Variants in ATG2B observed in about 807,000 individuals in gnomAD.
The protein encoded by ATG2B is autophagy related 2B, also known as autophagy-related protein 2 homolog B.
In ATG2B, 121 loss-of-function variants were observed where a neutral mutation model predicts 241.3. The ratio of observed to expected loss-of-function variants is 0.50; its 90% confidence interval spans 0.43 to 0.58. The LOEUF is 0.58. Among genes scored for constraint, ATG2B ranks in the 20% least tolerant of loss-of-function variants. The pLI is 0.00. For missense variants in ATG2B, 2,306 were observed against 2,491.6 expected, an observed-to-expected ratio of 0.93 and a Z score of 1.59; for synonymous variants, 858 against 876.6, an observed-to-expected ratio of 0.98 and a Z score of 0.37.
chr14:96,308,145 C>T (rs904974451), intron 29 of ATG2B, among the ~76,000 whole-genome samples: 7 of 141,458 alleles, frequency 4.9e-5, no homozygotes, highest in South Asian at 2.5e-4. Context: ...TGCATATATA[C>T]ATATACACAC....
At position 96,284,400 on chromosome 14, in the gene ATG2B, A is replaced by G. The variant is rs1273500831; in HGVS notation, c.*1355T>C. 1 of 152,234 alleles carries G rather than the reference A, an allele frequency of 6.6e-6. No individual in the cohort carries two copies. The highest frequency in any genetic ancestry group is 1.5e-5 in the Non-Finnish European group (1 of 68,044). The allele number at this position is 152,234 out of a possible 1,614,324, so 9.4% of individuals were successfully genotyped here. On this transcript the variant is annotated 3_prime_UTR_variant, in exon 42 of 42. Transcript: ENST00000359933. ...TTTACATTGCTTTCCTGCTTAGAAA[A>G]TTTAGAGAACGAAATTGATTTAACT...
chr14:96,286,486 T>C (rs972282244), intron 41 of ATG2B, among the ~76,000 whole-genome samples: 1 of 152,220 alleles, frequency 6.6e-6, no homozygotes, highest in African/African-American at 2.4e-5. Context: ...GAACATTTTA[T>C]TGGATTAGAG....
At chr14:96,362,265 A>T (rs1240814485) in intron 1 of ATG2B, among the ~76,000 whole-genome samples, 1 of 152,208 alleles carries the variant, frequency 6.6e-6, no homozygotes, top group Admixed American at 6.5e-5. Context: ...TCTTGTAAAC[A>T]TATAATCAAG....
Position 96,294,947 on chromosome 14 carries a change from C to T in ATG2B, c.5426+13G>A, listed in dbSNP as rs1886588633. The T allele has an allele frequency of 6.2e-7, 1 of 1,610,290 alleles. No homozygotes were observed. The highest frequency in any genetic ancestry group is 1.3e-5 in the African/African-American group (1 of 74,866). On this transcript the variant is annotated intron_variant, in intron 36 of 41. Coordinates refer to ENST00000359933, the MANE Select transcript of ATG2B (RefSeq NM_018036.7). ...AAAATAACTTCATTTGTTATTAAAA[C>T]TAAATTAGTTACCTAAAAAACACAG...
rs773913878 is a variant in ATG2B, at chr14:96,362,834, T to C, written c.143A>G (p.Gln48Arg). Residue 48 changes from glutamine (Q) to arginine (R), a missense_variant, in exon 1 of 42, where the codon CAG (glutamine) becomes CGG (arginine). Physicochemically the swap from Gln to Arg is conservative, Grantham distance 43 (BLOSUM62 1). This residue lies in a region of ATG2B where 1,927 missense variants were observed against 2,011.2 expected (regional missense o/e 0.96). Transcript: ENST00000359933. ...DLYQGTGSLA[Q>R]VPLDKWCLNE... is the part of the protein sequence containing the mutation. ...TCTTACCCATTTGTCCAAGGGGACC[T>C]GGGCGAGGGACCCGGTGCCTTGGTA... 1.2e-5 allele frequency: 20 copies of C among 1,609,556 alleles called. No homozygotes were observed. Among genetic ancestry groups the C allele is most frequent in the East Asian group, 2.2e-5 (1 of 44,706 alleles).
chr14:96,339,545 A>T (rs1180246341), intron 6 of ATG2B, among the ~76,000 whole-genome samples: 1 of 152,000 alleles, frequency 6.6e-6, no homozygotes, highest in Non-Finnish European at 1.5e-5. Flanking sequence ...CTCAGCCATA[A>T]AAAGGAACAA....
At chr14:96,339,594 C>T (rs1245006045) in intron 6 of ATG2B, among the ~76,000 whole-genome samples, 1 of 151,726 alleles carries the variant, frequency 6.6e-6, no homozygotes, top group Non-Finnish European at 1.5e-5. Context: ...GAACTGGAGG[C>T]CATTATTCTA....
intron 6 of ATG2B, among the ~76,000 whole-genome samples, chr14:96,335,424 T>A (rs188352116): frequency 6.6e-6 from 1 of 152,248 alleles, no homozygotes; most frequent in African/African-American, 2.4e-5. Flanking sequence ...ACCTAAGAAA[T>A]CCAGTAAAAT....
chr14:96,322,262 A>G lies in ATG2B; in HGVS notation c.2737-8T>C, dbSNP rs755341418. 1.6e-5 allele frequency: 26 copies of G among 1,582,938 alleles called. No homozygotes were observed. In the Admixed American group the frequency reaches 4.6e-4, roughly 28 times the overall value. ...GTCTCCTGGCATCACCATCTAAAAC[A>G]TAATAGTTCAGTGCAAAAAAAAAGG... On this transcript the variant is annotated splice_region_variant and splice_polypyrimidine_tract_variant and intron_variant, in intron 17 of 41. Coordinates refer to ENST00000359933, the MANE Select transcript of ATG2B (RefSeq NM_018036.7).
At chr14:96,312,022 C>T (rs1887173444) in intron 26 of ATG2B, 67 bp downstream of exon 26, 1 of 1,216,316 alleles carries the variant, frequency 8.2e-7, no homozygotes, top group African/African-American at 1.5e-5. Context: ...AGTTAAAATG[C>T]TTTAAAATTA....
chr14:96,361,946 AG>A (rs1888644574), intron 1 of ATG2B, among the ~76,000 whole-genome samples: 1 of 152,218 alleles, frequency 6.6e-6, no homozygotes, highest in African/African-American at 2.4e-5. Context: ...GGCAAAGGGT[AG>A]AAGTCACTCT....
In ATG2B at chr14:96,362,999, G is replaced by T; in HGVS notation, c.-23C>A. The T allele has an allele frequency of 6.2e-7, 1 of 1,612,098 alleles. No homozygotes were observed. Among genetic ancestry groups the T allele is most frequent in the South Asian group, 1.1e-5 (1 of 90,898 alleles). On this transcript the variant is annotated 5_prime_UTR_variant, in exon 1 of 42. Transcript: ENST00000359933. Reference sequence around the variant, plus strand: ...CATAGTGACTGCTGGCAGCTGGGCTGACTGCGGCTGCGGGTTGCGACGGCT... The same window carrying T: ...CATAGTGACTGCTGGCAGCTGGGCTTACTGCGGCTGCGGGTTGCGACGGCT...
rs1006012845 is a variant in ATG2B at position 96,333,702 on chromosome 14, G to A, written c.1193C>T (p.Thr398Ile). ...QSFYETETAR[T>I]PSSREEEVFF... ...GAGTTGCTTACCACGGCTAGAAGGT[G>A]TACGAGCTGTTTCTGTCTCATAAAA... Residue 398 changes from threonine to isoleucine, a missense_variant, in exon 8 of 42, where the codon ACA becomes ATA. Coordinates refer to ENST00000359933, the MANE Select transcript of ATG2B (RefSeq NM_018036.7). 1 of 1,613,696 alleles carries A rather than the reference G, an allele frequency of 6.2e-7. No individual in the cohort carries two copies. The highest frequency in any genetic ancestry group is 8.5e-7 in the Non-Finnish European group (1 of 1,179,756).
intron 8 of ATG2B, 106 bp downstream of exon 8, chr14:96,333,582 T>C: frequency 9.6e-7 from 1 of 1,042,222 alleles, no homozygotes; most frequent in Non-Finnish European, 1.4e-6. Context: ...TGTGGATCTT[T>C]TTGTTCTTTC....
In ATG2B at chr14:96,308,939, C is replaced by T. The variant is rs1053586571; in HGVS notation, c.4303+514G>A. Among the ~76,000 whole-genome samples the T allele has an allele frequency of 1.7e-4, 26 of 152,064 alleles. No individual in the cohort carries two copies. The East Asian group carries it at 1.7e-3, about 10-fold the overall frequency. On this transcript the variant is annotated intron_variant, in intron 29 of 41. Transcript: ENST00000359933. ...GAGAACTTTTGTTTCAGTAAGAACC[C>T]GAATGTCATGGCTAAATAACTGAGG...
intron 5 of ATG2B, among the ~76,000 whole-genome samples, chr14:96,342,541 G>A (rs553058877): frequency 1.1e-4 from 16 of 152,014 alleles, no homozygotes; most frequent in African/African-American, 3.4e-4. Context: ...GGCCAACGTT[G>A]CGAAACCCCG....
Position 96,322,171 on chromosome 14 carries a change from C to T in ATG2B, c.2820G>A (p.Thr940=), listed in dbSNP as rs773935224. Residue 940 remains threonine (T), a synonymous_variant, in exon 18 of 42, where the codon ACG becomes ACA. Coordinates refer to ENST00000359933, the MANE Select transcript of ATG2B (RefSeq NM_018036.7). The stretch of plus-strand genomic sequence containing the variant: ...GTAGTGTTACATAAATATTTGGTAA[C>T]GTAAGTTCCAGCACATAGTGAGAAT... ...ISNSHYVLEL[T]LPNIYVTLPN... is the part of the protein sequence containing the mutation. 31 of 1,575,172 alleles carry T rather than the reference C, an allele frequency of 2.0e-5. No individual in the cohort carries two copies. The South Asian group carries it at 2.9e-4, about 15-fold the overall frequency.
At position 96,306,796 on chromosome 14, in the gene ATG2B, T is replaced by A. The variant is rs1407971693; in HGVS notation, c.4424A>T (p.His1475Leu). The change falls in exon 30 of 42, where the codon CAT (histidine) becomes CTT (leucine). Residue 1475 changes from histidine to leucine, a missense_variant. Physicochemically the swap from His to Leu is moderately conservative, Grantham distance 99. Around this residue, in one of 2 missense-constraint regions of ATG2B, gnomAD observed 1,927 missense variants for 2,011.2 expected, o/e 0.96. Transcript: ENST00000359933. ...ACCTGTCATTGCATCACTGATGAAATGGTGAGAGAATGAGGCATAGGTGGG... is the reference window on the plus strand; with the variant it reads ...ACCTGTCATTGCATCACTGATGAAAAGGTGAGAGAATGAGGCATAGGTGGG... ...SGPTYASFSH[H>L]FISDAMTGVP... is the part of the protein sequence containing the mutation. 1 of 1,614,088 alleles carries A rather than the reference T, an allele frequency of 6.2e-7. No homozygotes were observed. Among genetic ancestry groups the A allele is most frequent in the Non-Finnish European group, 8.5e-7 (1 of 1,180,002 alleles).
At chr14:96,329,742 A>C in intron 11 of ATG2B, 108 bp from the exon 12 acceptor site, 1 of 626,202 alleles carries the variant, frequency 1.6e-6, no homozygotes, top group Non-Finnish European at 2.6e-6. Context: ...TAAGGAAATT[A>C]ACCAGAAAGA....
Sources: allele counts gnomAD v4.1 joint callset (sites outside exome capture counted in the v4.1 genomes callset), GRCh38; gene constraint gnomAD v4.1.1; regional missense constraint gnomAD v4.1.1; transcripts MANE v1.5; gene names NCBI Gene and HGNC (gene_info 2026-07-23, HGNC 2026-07-21).